Variants in TRMT44 observed in about 807,000 individuals in gnomAD.
TRMT44 encodes probable tRNA (uracil-O(2)-)-methyltransferase.
In TRMT44, 78 loss-of-function variants were observed where a neutral mutation model predicts 77.3. The observed-to-expected ratio is 1.01, with a 90% CI of 0.84 to 1.22. The LOEUF (loss-of-function observed/expected upper bound fraction) is 1.22, where lower values mean the gene tolerates loss of function less well. Ranked by LOEUF, TRMT44 falls within the 50% of genes most tolerant of loss-of-function variation. The pLI, the probability that TRMT44 is intolerant of heterozygous loss-of-function variation, is 0.00. For synonymous variants in TRMT44, 391 were observed against 383.3 expected, an observed-to-expected ratio of 1.02 and a Z score of -0.23; for missense variants, 1,090 against 964.4, an observed-to-expected ratio of 1.13 and a Z score of -1.73.
At chr4:8,498,078 G>A (rs566943412), downstream of TRMT44, among the ~76,000 whole-genome samples, 5 of 152,346 alleles carry the variant, frequency 3.3e-5, no homozygotes, top group South Asian at 1.0e-3. The surrounding 1 kb of genome is among the most constrained non-coding windows in gnomAD (Gnocchi z 4.3). Flanking sequence ...AGTGGAAGAC[G>A]TCAGGAGAGT....
At chr4:8,472,570 G>A (rs1727082980) in intron 10 of TRMT44, among the ~76,000 whole-genome samples, 2 of 151,802 alleles carry the variant, frequency 1.3e-5, no homozygotes, top group Non-Finnish European at 2.9e-5. Flanking sequence ...AAGCGTGTGG[G>A]TTTGTGCACA....
chr4:8,443,852 C>T (rs1724902036), intron 1 of TRMT44, among the ~76,000 whole-genome samples: 1 of 151,856 alleles, frequency 6.6e-6, no homozygotes, highest in South Asian at 2.1e-4. Flanking sequence ...CCCAGCTACT[C>T]AGGAGACTGA....
chr4:8,483,457 G>A (rs186782864), intron 2 of TRMT44, among the ~76,000 whole-genome samples: 21 of 152,234 alleles, frequency 1.4e-4, no homozygotes, highest in African/African-American at 4.8e-4. Context: ...TGTCTGGAAT[G>A]AGACTGGGGC....
chr4:8,514,461 G>A, the TRMT44 span, among the ~76,000 whole-genome samples: 771 of 151,924 alleles, frequency 5.1e-3, 7 homozygotes, highest in African/African-American at 0.018. Flanking sequence ...TTTTTTAGTA[G>A]AGATGGGGTT....
the TRMT44 span, among the ~76,000 whole-genome samples, chr4:8,504,079 G>T: frequency 6.6e-6 from 1 of 152,154 alleles, no homozygotes; most frequent in African/African-American, 2.4e-5. This position sits in a 1 kb window ranked among gnomAD's most constrained non-coding sequence, Gnocchi z 5.3. Context: ...AGCCTCTGAG[G>T]TTGGTGGGCA....
Position 8,489,738 on chromosome 4 carries a change from A to G in TRMT44, n.3892-3528A>G, listed in dbSNP as rs542747111. Reference sequence around the variant, plus strand: ...GGTGATCAGCCTGCCTTGGCCTCCCAAAGTGCTGGAATTACATGCGTGAGC... The same window carrying G: ...GGTGATCAGCCTGCCTTGGCCTCCCGAAGTGCTGGAATTACATGCGTGAGC... On this transcript the variant is annotated intron_variant and non_coding_transcript_variant, in intron 2 of 2. Transcript: ENST00000511366. 4.6e-5 allele frequency among the ~76,000 whole-genome samples: 7 copies of G among 152,298 alleles called. No homozygotes were observed. The South Asian group carries it at 1.0e-3, about 23-fold the overall frequency.
intron 9 of TRMT44, among the ~76,000 whole-genome samples, chr4:8,469,106 G>A (rs898515279): frequency 6.6e-6 from 1 of 152,226 alleles, no homozygotes. Context: ...ACCTATGAAT[G>A]TTGGGACAAA....
In TRMT44 at chr4:8,446,719, G is replaced by T. The variant is rs772764469; in HGVS notation, c.734+129G>T. On this transcript the variant is annotated intron_variant, in intron 2 of 10. Transcript: ENST00000389737. The surrounding 1 kb of genome is among the most constrained non-coding windows in gnomAD (Gnocchi z 4.3). ...GGTGGTTATGGTTTGTAGGAATGCAGTTGCTAGCTTATGTGCCCAGGCCAT... is the reference window on the plus strand; with the variant it reads ...GGTGGTTATGGTTTGTAGGAATGCATTTGCTAGCTTATGTGCCCAGGCCAT... The T allele has an allele frequency of 1.6e-6, 1 of 618,624 alleles. No individual in the cohort carries two copies. 38.3% of individuals were successfully genotyped at this position (618,624 alleles called of 1,614,324 possible).
At chr4:8,468,374 G>T in intron 9 of TRMT44, 28 bp downstream of exon 9, 3 of 1,603,126 alleles carry the variant, frequency 1.9e-6, no homozygotes, top group Non-Finnish European at 2.6e-6. Context: ...TTAGGGAGGG[G>T]CTAGCACGCT....
At chr4:8,454,999 T>A in intron 6 of TRMT44, 186 bp downstream of exon 6, 1 of 631,544 alleles carries the variant, frequency 1.6e-6, no homozygotes, top group East Asian at 2.7e-5. Context: ...CACAGAACCT[T>A]CTGGTTAAAC....
chr4:8,496,675 C>T (rs1350048290), downstream of TRMT44, among the ~76,000 whole-genome samples: 1 of 152,144 alleles, frequency 6.6e-6, no homozygotes, highest in Non-Finnish European at 1.5e-5. Context: ...ATTAATCTAT[C>T]CTGCAGATGC....
chr4:8,472,834 A>G (rs1309441016), intron 10 of TRMT44, among the ~76,000 whole-genome samples: 5 of 152,276 alleles, frequency 3.3e-5, no homozygotes, highest in East Asian at 1.9e-4. Context: ...TCTTCCTTGC[A>G]TAGAGCTTTA....
chr4:8,443,193 T>C (rs1014430969), intron 1 of TRMT44, among the ~76,000 whole-genome samples: 3 of 152,158 alleles, frequency 2.0e-5, no homozygotes, highest in Non-Finnish European at 2.9e-5. Flanking sequence ...TTCTTCCAGC[T>C]CTTATCAACT....
At chr4:8,464,465 A>G (rs958810913) in intron 7 of TRMT44, among the ~76,000 whole-genome samples, 2 of 152,216 alleles carry the variant, frequency 1.3e-5, no homozygotes, top group African/African-American at 4.8e-5. Context: ...TAAAGGGGAA[A>G]TCTACCCATC....
intron 5 of TRMT44, 108 bp from the exon 6 acceptor site, chr4:8,454,634 T>C (rs1033246298): frequency 9.7e-7 from 1 of 1,028,722 alleles, no homozygotes; most frequent in Non-Finnish European, 1.5e-6. Flanking sequence ...GAAGCTCTTC[T>C]CTTGCCCTTC....
At chr4:8,464,866 AAAC>A (rs1440502198) in intron 7 of TRMT44, among the ~76,000 whole-genome samples, 3 of 152,354 alleles carry the variant, frequency 2.0e-5, no homozygotes, top group African/African-American at 4.8e-5. Context: ...TTAATATGAA[AAAC>A]AATATTACAC....
intron 6 of TRMT44, among the ~76,000 whole-genome samples, chr4:8,459,759 A>G (rs1579059695): frequency 6.6e-6 from 1 of 152,154 alleles, no homozygotes; most frequent in South Asian, 2.1e-4. Flanking sequence ...AGTGTCCCCT[A>G]CCTGCCGGGC....
Position 8,446,724 on chromosome 4 carries a change from T to C in TRMT44, c.734+134T>C. On this transcript the variant is annotated intron_variant, in intron 2 of 10. Transcript: ENST00000389737. This position sits in a 1 kb window ranked among gnomAD's most constrained non-coding sequence, Gnocchi z 4.3. Reference sequence around the variant, plus strand: ...TTATGGTTTGTAGGAATGCAGTTGCTAGCTTATGTGCCCAGGCCATGTTGC... The same window carrying C: ...TTATGGTTTGTAGGAATGCAGTTGCCAGCTTATGTGCCCAGGCCATGTTGC... 1 of 603,344 alleles carries C rather than the reference T, an allele frequency of 1.7e-6. No homozygotes were observed. Among genetic ancestry groups the C allele is most frequent in the Non-Finnish European group, 2.8e-6 (1 of 352,858 alleles). 37.4% of individuals were successfully genotyped at this position (603,344 alleles called of 1,614,324 possible).
intron 6 of TRMT44, among the ~76,000 whole-genome samples, chr4:8,459,557 T>G (rs1018199683): frequency 2.0e-5 from 3 of 152,226 alleles, no homozygotes; most frequent in Non-Finnish European, 2.9e-5. Flanking sequence ...CATAAATCTT[T>G]GTGTGTAAAT....
Sources: gnomAD v4.1 joint callset for allele counts (sites outside exome capture counted in the v4.1 genomes callset) on GRCh38, gnomAD v4.1.1 for gene constraint, Gnocchi (gnomAD v3.1) non-coding constraint, MANE v1.5 for transcripts, NCBI Gene and HGNC (gene_info 2026-07-23, HGNC 2026-07-21) for gene names.